CHTF18: variants seen among roughly 807,000 people sequenced by gnomAD.
CHTF18 encodes chromosome transmission fidelity protein 18 homolog.
In CHTF18, 151 loss-of-function variants were observed where a neutral mutation model predicts 113.4. That is an observed-to-expected ratio of 1.33 (90% CI 1.17 to 1.52). CHTF18 has a LOEUF of 1.52. CHTF18 is among the 40% of genes most tolerant of loss of function. The pLI is 0.00. For missense variants in CHTF18, 1,982 were observed against 1,381.6 expected (o/e 1.43, Z -6.89); for synonymous variants, 916 against 598.8 (o/e 1.53, Z -7.74).
chr16:797,120 G>A (rs2042371908), intron 20 of CHTF18, 28 bp downstream of exon 20: 1 of 1,493,842 alleles, frequency 6.7e-7, no homozygotes. Flanking sequence ...GTGGGGGTGG[G>A]ACCAGGGTAC....
Position 792,968 on chromosome 16 carries a change from C to T in CHTF18, c.1575C>T (p.Val525=). The part of the protein sequence containing the change: ...PSRLVQRLQE[V]SLRQGMRADP... The stretch of plus-strand genomic sequence containing the variant: ...CTCCAGCAGCCCTTCTCCACCAGGT[C>T]TCCCTGCGGCAGGGCATGAGGGCCG... The change falls in exon 13 of 22, where the codon GTC becomes GTT. Residue 525 remains valine (V), a splice_region_variant and synonymous_variant. Transcript: ENST00000262315. 3 of 1,556,114 alleles carry T rather than the reference C, an allele frequency of 1.9e-6. No homozygotes were observed. Among genetic ancestry groups the T allele is most frequent in the Non-Finnish European group, 2.6e-6 (3 of 1,150,410 alleles).
At chr16:789,833 T>A in intron 4 of CHTF18, 118 bp downstream of exon 4, 1 of 1,355,810 alleles carries the variant, frequency 7.4e-7, no homozygotes, top group Non-Finnish European at 9.9e-7. Flanking sequence ...GCCCCAGGGG[T>A]GCAGAGGGGG....
chr16:796,458 C>T (rs2042349936), intron 18 of CHTF18, among the ~76,000 whole-genome samples: 2 of 152,230 alleles, frequency 1.3e-5, no homozygotes, highest in South Asian at 2.1e-4. Context: ...CACCAACTTG[C>T]AGGACGCTGA....
At chr16:793,703 G>A in intron 14 of CHTF18, 1 of 628,098 alleles carries the variant, frequency 1.6e-6, no homozygotes, top group Non-Finnish European at 3.0e-6. Flanking sequence ...GGACCCCAGG[G>A]GATGCTGGCC....
intron 8 of CHTF18, 30 bp downstream of exon 8, chr16:791,400 C>T (rs759477822): frequency 1.3e-6 from 2 of 1,571,424 alleles, no homozygotes; most frequent in Non-Finnish European, 1.7e-6. Context: ...CCGCCGGGAA[C>T]AAGCCTGAGG....
In CHTF18 at chr16:791,024, C is replaced by G. The variant is rs546645870; in HGVS notation, c.895-137C>G. The G allele has an allele frequency of 2.0e-6, 3 of 1,476,774 alleles. No individual in the cohort carries two copies. In the African/African-American group the frequency reaches 4.2e-5, roughly 21 times the overall value. The allele number at this position is 1,476,774 out of a possible 1,614,324, so 91.5% of individuals were successfully genotyped here. On this transcript the variant is annotated intron_variant, in intron 7 of 21. Coordinates refer to ENST00000262315, the MANE Select transcript of CHTF18 (RefSeq NM_022092.3). ...CTGGTGTGAGCCTTGCGGTCACTCG[C>G]TGGCAGGAAGACGGGGGTGGCCATT...
At position 790,615 on chromosome 16, in the gene CHTF18, C is replaced by T. The variant is rs2042170151; in HGVS notation, c.843C>T (p.Leu281=). The T allele has an allele frequency of 6.9e-6, 11 of 1,593,646 alleles. 1 individual carries two copies. The highest frequency in any genetic ancestry group is 6.8e-5 in the South Asian group (6 of 87,772). ...TDGQDASSHC[L]WVDEFAPRHY... ...GTCAAGACGCCTCCAGTCACTGCCT[C>T]TGGGTGGATGAGTTTGCACCCCGCC... The change falls in exon 7 of 22, where the codon CTC becomes CTT. Residue 281 remains leucine, a synonymous_variant. Transcript: ENST00000262315.
chr16:791,399 A>G, intron 8 of CHTF18, 29 bp downstream of exon 8: 6 of 1,572,676 alleles, frequency 3.8e-6, no homozygotes, highest in Non-Finnish European at 5.2e-6. Context: ...GCCGCCGGGA[A>G]CAAGCCTGAG....
rs748032220 is a variant in CHTF18, at chr16:797,704, A to G, written c.2744A>G (p.Asp915Gly). ...RAAREEQPEK[D>G]FFGRVVVRST... Reference sequence around the variant, plus strand: ...CCTTCCTCCCATCAGCCTGAGAAGGACTTCTTTGGACGTGTGGTCGTCAGG... The same window carrying G: ...CCTTCCTCCCATCAGCCTGAGAAGGGCTTCTTTGGACGTGTGGTCGTCAGG... Residue 915 changes from aspartate to glycine, a missense_variant, in exon 21 of 22, where the codon GAC becomes GGC. By Grantham distance (94) the Asp-to-Gly change is moderately conservative. Coordinates refer to ENST00000262315, the MANE Select transcript of CHTF18 (RefSeq NM_022092.3). 1 of 1,600,962 alleles carries G rather than the reference A, an allele frequency of 6.2e-7. No individual in the cohort carries two copies. The highest frequency in any genetic ancestry group is 1.1e-5 in the South Asian group (1 of 90,864).
Position 792,284 on chromosome 16 carries a change from G to A in CHTF18, c.1263G>A (p.Ser421=), listed in dbSNP as rs747596236. 9 of 1,557,160 alleles carry A rather than the reference G, an allele frequency of 5.8e-6. No individual in the cohort carries two copies. The highest frequency in any genetic ancestry group is 5.5e-5 in the African/African-American group (4 of 73,250). The stretch of plus-strand genomic sequence containing the variant: ...TCGAGGCGGCCACCCAGATGGAGTC[G>A]GTGCTGGGTGCTGGCGGGAAGCCCA... The part of the protein sequence containing the change: ...TRIEAATQME[S]VLGAGGKPNC... The change falls in exon 10 of 22, where the codon TCG becomes TCA. Residue 421 remains serine (S), a synonymous_variant. Transcript: ENST00000262315.
At chr16:796,217 C>G (rs146425809) in intron 18 of CHTF18, 140 bp downstream of exon 18, 3 of 1,144,076 alleles carry the variant, frequency 2.6e-6, no homozygotes, top group African/African-American at 3.1e-5. Flanking sequence ...ATCTTTTGCT[C>G]AGATGTAACC....
Position 788,626 on chromosome 16 carries a change from T to G in CHTF18, c.-59T>G. On this transcript the variant is annotated 5_prime_UTR_variant, in exon 1 of 22. Coordinates refer to ENST00000262315, the MANE Select transcript of CHTF18 (RefSeq NM_022092.3). ...CGCCCGGCACGCTCGGGGCGGGCAG[T>G]GCGCGACGGCGGCGGCGGCGCGGGA... 1 of 1,362,416 alleles carries G rather than the reference T, an allele frequency of 7.3e-7. No individual in the cohort carries two copies. The highest frequency in any genetic ancestry group is 9.7e-7 in the Non-Finnish European group (1 of 1,033,264). The allele number at this position is 1,362,416 out of a possible 1,614,324, so 84.4% of individuals were successfully genotyped here. A position where few individuals can be genotyped will look rare whatever the true frequency, so the allele number is the denominator to read the frequency against.
intron 15 of CHTF18, chr16:794,617 C>T (rs2042288100): frequency 4.1e-6 from 1 of 243,362 alleles, no homozygotes; most frequent in Non-Finnish European, 8.0e-6. Flanking sequence ...CCTAAGCTGT[C>T]TGCTGACTCT....
In CHTF18 at chr16:792,604, C is replaced by A; in HGVS notation, c.1478+14C>A. On this transcript the variant is annotated intron_variant, in intron 11 of 21. Coordinates refer to ENST00000262315, the MANE Select transcript of CHTF18 (RefSeq NM_022092.3). ...TTGCAATGACCAGTGAGTGCATGGG[C>A]GGGCGCCACAGTCAGGAGAGGCTCT... is the stretch of plus-strand genomic sequence containing the variant. 1.3e-6 allele frequency: 2 copies of A among 1,593,112 alleles called. No homozygotes were observed. The highest frequency in any genetic ancestry group is 1.7e-6 in the Non-Finnish European group (2 of 1,171,796).
chr16:790,518 T>C lies in CHTF18; in HGVS notation c.753-7T>C. ...TTGTTTGTGGCTCAGGACGTGGTCC[T>C]CTCCAGTCTCAGGTCGGGGGAGGAG... On this transcript the variant is annotated splice_region_variant and splice_polypyrimidine_tract_variant and intron_variant, in intron 6 of 21. Coordinates refer to ENST00000262315, the MANE Select transcript of CHTF18 (RefSeq NM_022092.3). 2 of 1,602,860 alleles carry C rather than the reference T, an allele frequency of 1.2e-6. No individual in the cohort carries two copies. The highest frequency in any genetic ancestry group is 1.7e-6 in the Non-Finnish European group (2 of 1,175,598).
rs574244955 is a variant in CHTF18 at position 792,775 on chromosome 16, G to A, written c.1536G>A (p.Pro512=). 18 of 1,547,000 alleles carry A rather than the reference G, an allele frequency of 1.2e-5. No individual in the cohort carries two copies. In the Admixed American group the frequency reaches 1.7e-4, roughly 15 times the overall value. Residue 512 remains proline (P), a synonymous_variant, in exon 12 of 22, where the codon CCG becomes CCA. Coordinates refer to ENST00000262315, the MANE Select transcript of CHTF18 (RefSeq NM_022092.3). The part of the protein sequence containing the change: ...KQQAFLLHFP[P]TLPSRLVQRL... ...AGGCCTTCCTGCTCCACTTCCCGCCGACTCTGCCCTCGAGGCTGGTGCAGC... is the reference window on the plus strand; with the variant it reads ...AGGCCTTCCTGCTCCACTTCCCGCCAACTCTGCCCTCGAGGCTGGTGCAGC...
In CHTF18 at chr16:792,767, T is replaced by C. The variant is rs768290048; in HGVS notation, c.1528T>C (p.Phe510Leu). Residue 510 changes from phenylalanine to leucine, a missense_variant, in exon 12 of 22, where the codon TTC (phenylalanine) becomes CTC (leucine). By Grantham distance (22) the Phe-to-Leu change is conservative. Coordinates refer to ENST00000262315, the MANE Select transcript of CHTF18 (RefSeq NM_022092.3). ...GAAGCAGCAGGCCTTCCTGCTCCACTTCCCGCCGACTCTGCCCTCGAGGCT... is the reference window on the plus strand; with the variant it reads ...GAAGCAGCAGGCCTTCCTGCTCCACCTCCCGCCGACTCTGCCCTCGAGGCT... Reference protein sequence around the residue: ...QLKQQAFLLHFPPTLPSRLVQ... With the variant: ...QLKQQAFLLHLPPTLPSRLVQ... 3 of 1,548,462 alleles carry C rather than the reference T, an allele frequency of 1.9e-6. No homozygotes were observed. Among genetic ancestry groups the C allele is most frequent in the Non-Finnish European group, 2.6e-6 (3 of 1,151,136 alleles).
intron 20 of CHTF18, 40 bp downstream of exon 20, chr16:797,132 T>G (rs750024745): frequency 2.0e-5 from 30 of 1,480,994 alleles, no homozygotes; most frequent in Non-Finnish European, 2.5e-5. Context: ...CCAGGGTACA[T>G]ACCTTTGGGG....
Position 789,023 on chromosome 16 carries a change from G to C in CHTF18, c.184G>C (p.Ala62Pro). ...GGAGGCCCTTGCCAGAGGGGACGCG[G>C]CCTCCAGTCCCGCCCCAGCCGCATC... The part of the protein sequence containing the change: ...FEEALARGDA[A>P]SSPAPAASVG... The change falls in exon 2 of 22, where the codon GCC (alanine) becomes CCC (proline). Residue 62 changes from alanine (A) to proline (P), a missense_variant. Coordinates refer to ENST00000262315, the MANE Select transcript of CHTF18 (RefSeq NM_022092.3). 1 of 1,536,444 alleles carries C rather than the reference G, an allele frequency of 6.5e-7. No homozygotes were observed. The highest frequency in any genetic ancestry group is 2.0e-5 in the Admixed American group (1 of 50,014).
Sources: allele counts gnomAD v4.1 joint callset (sites outside exome capture counted in the v4.1 genomes callset), GRCh38; gene constraint gnomAD v4.1.1; transcripts MANE v1.5; gene names NCBI Gene and HGNC (gene_info 2026-07-23, HGNC 2026-07-21).